NID1: variants seen among roughly 807,000 people sequenced by gnomAD.
The protein encoded by NID1 is nidogen 1, also known as nidogen-1.
A neutral mutation model predicts 130.6 loss-of-function variants in NID1; 76 were observed. The observed-to-expected ratio is 0.58, with a 90% CI of 0.48 to 0.70. NID1 has a LOEUF of 0.70. NID1 is among the 30% of genes least tolerant of loss of function. The pLI, the probability that NID1 is intolerant of heterozygous loss-of-function variation, is 0.00. For synonymous variants in NID1, 665 were observed against 675.1 expected (o/e 0.98, Z 0.23); for missense variants, 1,517 against 1,664.8 (o/e 0.91, Z 1.54).
At chr1:236,004,038 A>C (rs554817756) in intron 12 of NID1, among the ~76,000 whole-genome samples, 15 of 151,400 alleles carry the variant, frequency 9.9e-5, no homozygotes, top group Non-Finnish European at 1.9e-4. Context: ...GTCTCAAAAA[A>C]AAAAAAAAAA....
intron 3 of NID1, among the ~76,000 whole-genome samples, chr1:236,044,105 C>T (rs1659530735): frequency 6.6e-6 from 1 of 151,996 alleles, no homozygotes; most frequent in African/African-American, 2.4e-5. Context: ...CTGAGCAAAA[C>T]AATGGGGTGG....
Position 236,048,820 on chromosome 1 carries a change from T to C in NID1, c.395A>G (p.Gln132Arg), listed in dbSNP as rs375953055. ...YREDLSPSIT[Q>R]RAAECVHRGF... ...TCTGTGGACACACTCTGCTGCTCGC[T>C]GAGTGATGGAGGGGGATAAGTCTTC... The change falls in exon 2 of 20, where the codon CAG becomes CGG. Residue 132 changes from glutamine (Q) to arginine (R), a missense_variant. Around this residue, in one of 3 missense-constraint regions of NID1, gnomAD observed 1,329 missense variants for 1,429.2 expected, o/e 0.93. Coordinates refer to ENST00000264187, the MANE Select transcript of NID1 (RefSeq NM_002508.3). 5.0e-6 allele frequency: 8 copies of C among 1,614,016 alleles called. No homozygotes were observed. Among genetic ancestry groups the C allele is most frequent in the Non-Finnish European group, 6.8e-6 (8 of 1,180,030 alleles).
At chr1:236,046,184 T>G (rs1659597099) in intron 2 of NID1, among the ~76,000 whole-genome samples, 1 of 152,168 alleles carries the variant, frequency 6.6e-6, no homozygotes, top group Non-Finnish European at 1.5e-5. Flanking sequence ...GACTTGGGCG[T>G]GATACTTGAG....
At chr1:236,007,063 C>G (rs1025153086) in intron 12 of NID1, among the ~76,000 whole-genome samples, 2 of 152,052 alleles carry the variant, frequency 1.3e-5, no homozygotes, top group African/African-American at 4.8e-5. Context: ...AGCTCTGTCA[C>G]CCCAGGCTAG....
At chr1:236,027,048 G>A (rs1010148132) in intron 7 of NID1, among the ~76,000 whole-genome samples, 1 of 151,932 alleles carries the variant, frequency 6.6e-6, no homozygotes, top group African/African-American at 2.4e-5. Flanking sequence ...GCCAATAAAT[G>A]GTGATTTCTA....
intron 12 of NID1, among the ~76,000 whole-genome samples, chr1:236,011,296 C>CTTTTTTTTTTTTTTTTTTTTTTTTTTT (rs3077493): frequency 7.4e-6 from 1 of 135,948 alleles, no homozygotes; most frequent in Non-Finnish European, 1.6e-5. Context: ...CAAATATATT[C>CTTTTTTTTTTTTTTTTTTTTTTTTTTT]TTTTTTTTTC....
intron 2 of NID1, among the ~76,000 whole-genome samples, chr1:236,047,955 G>T (rs1235968649): frequency 6.7e-6 from 1 of 149,974 alleles, no homozygotes; most frequent in Non-Finnish European, 1.5e-5. Context: ...GAACCTGGGA[G>T]GTGGAGGCTG....
chr1:236,063,596 T>C (rs1660106906), intron 1 of NID1, among the ~76,000 whole-genome samples: 1 of 152,080 alleles, frequency 6.6e-6, no homozygotes, highest in African/African-American at 2.4e-5. Flanking sequence ...TTGCCTTCCT[T>C]GGTCATCTTG....
intron 12 of NID1, among the ~76,000 whole-genome samples, chr1:236,003,514 AC>A (rs1171574164): frequency 6.6e-6 from 1 of 152,200 alleles, no homozygotes; most frequent in Non-Finnish European, 1.5e-5. Context: ...TGTCCTGGAT[AC>A]CAAATGAAGA....
intron 12 of NID1, among the ~76,000 whole-genome samples, chr1:236,004,339 C>A (rs1452776146): frequency 6.6e-6 from 1 of 152,138 alleles, no homozygotes; most frequent in African/African-American, 2.4e-5. Flanking sequence ...GTGTGGCAGA[C>A]AGCAGAGGAA....
intron 4 of NID1, among the ~76,000 whole-genome samples, chr1:236,039,405 TCCCAC>T (rs1659381394): frequency 6.6e-6 from 1 of 151,140 alleles, no homozygotes; most frequent in Non-Finnish European, 1.5e-5. Context: ...TTAAATCACC[TCCCAC>T]CCCACCCCAA....
chr1:235,999,721 G>C (rs2102806499), intron 12 of NID1, among the ~76,000 whole-genome samples: 1 of 152,196 alleles, frequency 6.6e-6, no homozygotes, highest in East Asian at 1.9e-4. Context: ...TTCTCAAGGT[G>C]GGGGGACAAA....
intron 9 of NID1, among the ~76,000 whole-genome samples, chr1:236,019,099 G>T (rs896626941): frequency 6.6e-6 from 1 of 152,230 alleles, no homozygotes; most frequent in Non-Finnish European, 1.5e-5. Flanking sequence ...AAGACACAAG[G>T]TCTCAGGACT....
intron 12 of NID1, among the ~76,000 whole-genome samples, chr1:236,001,090 C>A (rs1658061380): frequency 6.6e-6 from 1 of 151,154 alleles, no homozygotes; most frequent in South Asian, 2.1e-4. Context: ...AGTCCCTGGT[C>A]TCTGCTGGCT....
intron 12 of NID1, among the ~76,000 whole-genome samples, chr1:236,011,296 C>CTTTTTTTTTT (rs3077493): frequency 7.4e-6 from 1 of 135,948 alleles, no homozygotes; most frequent in Non-Finnish European, 1.6e-5. Context: ...CAAATATATT[C>CTTTTTTTTTT]TTTTTTTTTC....
intron 14 of NID1, among the ~76,000 whole-genome samples, chr1:235,988,026 G>GA (rs998273642): frequency 4.0e-5 from 6 of 148,946 alleles, no homozygotes; most frequent in East Asian, 3.9e-4. Flanking sequence ...GGCAACAAAA[G>GA]AAAAAAAAAG....
chr1:236,051,731 C>A (rs1428870911), intron 1 of NID1, among the ~76,000 whole-genome samples: 1 of 152,194 alleles, frequency 6.6e-6, no homozygotes, highest in Non-Finnish European at 1.5e-5. Flanking sequence ...CTCACTCTCT[C>A]GAGCCGCCAG....
intron 1 of NID1, among the ~76,000 whole-genome samples, chr1:236,051,297 G>T (rs1659758864): frequency 1.0e-5 from 1 of 97,328 alleles, no homozygotes; most frequent in East Asian, 3.4e-4. Context: ...CCTCCTCCCA[G>T]AGTCTTATCC....
chr1:235,990,743 A>C, intron 14 of NID1, 143 bp downstream of exon 14: 63 of 820,826 alleles, frequency 7.7e-5, no homozygotes, highest in Non-Finnish European at 1.1e-4. Context: ...GGCCCCATCT[A>C]GAGATGGTCA....
Sources: gnomAD v4.1 joint callset for allele counts (sites outside exome capture counted in the v4.1 genomes callset) on GRCh38, gnomAD v4.1.1 for gene constraint, gnomAD v4.1.1 regional missense constraint, MANE v1.5 for transcripts, NCBI Gene and HGNC (gene_info 2026-07-23, HGNC 2026-07-21) for gene names.